The following ATRNL1 variants were observed in gnomAD, a reference collection of about 807,000 sequenced individuals.
The protein encoded by ATRNL1 is attractin like 1.
ATRNL1 carries 95 observed loss-of-function variants against 182.7 expected under a neutral mutation model. That is an observed-to-expected ratio of 0.52 (90% CI 0.44 to 0.62). The LOEUF is 0.62. ATRNL1 is among the 20% of genes least tolerant of loss of function. The probability of loss-of-function intolerance (pLI) is 0.00; values close to 1 mark genes in which losing one functional copy is unlikely to be tolerated. For synonymous variants in ATRNL1, 576 were observed against 568.3 expected, an observed-to-expected ratio of 1.01 and a Z score of -0.19; for missense variants, 1,471 against 1,679.5, an observed-to-expected ratio of 0.88 and a Z score of 2.17.
intron 28 of ATRNL1, among the ~76,000 whole-genome samples, chr10:115,874,528 A>G (rs1298511205): frequency 6.6e-6 from 1 of 152,258 alleles, no homozygotes; most frequent in East Asian, 1.9e-4. Context: ...CTGTAGGAAT[A>G]CAAAAGAACA....
intron 20 of ATRNL1, among the ~76,000 whole-genome samples, chr10:115,398,334 T>C (rs1213637919): frequency 1.3e-5 from 2 of 152,008 alleles, no homozygotes; most frequent in Non-Finnish European, 2.9e-5. Flanking sequence ...AAAACACAGC[T>C]GATCGTCAAA....
At chr10:115,143,024 G>A (rs1845814712) in intron 5 of ATRNL1, among the ~76,000 whole-genome samples, 1 of 152,156 alleles carries the variant, frequency 6.6e-6, no homozygotes, top group African/African-American at 2.4e-5. Flanking sequence ...GGATATATGG[G>A]TCTGGAAATT....
chr10:115,253,734 A>G (rs1850986759), intron 10 of ATRNL1, among the ~76,000 whole-genome samples: 1 of 151,930 alleles, frequency 6.6e-6, no homozygotes, highest in African/African-American at 2.4e-5. Context: ...TTCTCCTAAC[A>G]CCCATCAACT....
intron 5 of ATRNL1, among the ~76,000 whole-genome samples, chr10:115,150,456 C>T (rs992698863): frequency 1.9e-4 from 29 of 151,794 alleles, no homozygotes; most frequent in Admixed American, 5.9e-4. Context: ...GCTTTTTTGA[C>T]GTGGGTACTT....
At chr10:115,555,792 TTGAC>T (rs1227867934) in intron 26 of ATRNL1, among the ~76,000 whole-genome samples, 6 of 152,026 alleles carry the variant, frequency 3.9e-5, no homozygotes, top group Non-Finnish European at 7.4e-5. Context: ...ATAAAGAAGA[TTGAC>T]TGTGTTATTT....
At chr10:115,925,669 G>A (rs1555119921) in intron 28 of ATRNL1, among the ~76,000 whole-genome samples, 1 of 151,974 alleles carries the variant, frequency 6.6e-6, no homozygotes, top group Non-Finnish European at 1.5e-5. Flanking sequence ...AGACAAAGAA[G>A]GGCATTACAT....
At chr10:115,474,297 G>T (rs1343507887) in intron 24 of ATRNL1, among the ~76,000 whole-genome samples, 1 of 151,320 alleles carries the variant, frequency 6.6e-6, no homozygotes, top group Non-Finnish European at 1.5e-5. Context: ...TCACCTGTGA[G>T]GTTTCTGCTG....
intron 28 of ATRNL1, among the ~76,000 whole-genome samples, chr10:115,908,506 T>C (rs1952570092): frequency 6.6e-6 from 1 of 152,154 alleles, no homozygotes; most frequent in Non-Finnish European, 1.5e-5. Context: ...CTTTGAAGAA[T>C]GCTTATGATG....
chr10:115,753,681 G>A (rs1948510394), intron 27 of ATRNL1, among the ~76,000 whole-genome samples: 1 of 152,116 alleles, frequency 6.6e-6, no homozygotes, highest in Non-Finnish European at 1.5e-5. Context: ...AATCCTTTGG[G>A]TACATACCCA....
At chr10:115,657,452 A>G (rs969378845) in intron 26 of ATRNL1, among the ~76,000 whole-genome samples, 1 of 152,208 alleles carries the variant, frequency 6.6e-6, no homozygotes, top group Non-Finnish European at 1.5e-5. Context: ...TAAAATGCAC[A>G]TGGCATGGCA....
intron 28 of ATRNL1, among the ~76,000 whole-genome samples, chr10:115,922,067 C>A (rs1953082142): frequency 6.6e-6 from 1 of 152,154 alleles, no homozygotes. Flanking sequence ...GGCTGTAGGT[C>A]AAGGAGGTGC....
chr10:115,563,431 C>T (rs1853881206), intron 26 of ATRNL1, among the ~76,000 whole-genome samples: 1 of 152,162 alleles, frequency 6.6e-6, no homozygotes, highest in Non-Finnish European at 1.5e-5. Context: ...CCTACCACCA[C>T]CCACCTCCCC....
At chr10:115,188,416 G>A (rs916753795) in intron 8 of ATRNL1, among the ~76,000 whole-genome samples, 1 of 152,096 alleles carries the variant, frequency 6.6e-6, no homozygotes, top group Non-Finnish European at 1.5e-5. Flanking sequence ...GGGGAATTAT[G>A]TGGATGATTT....
chr10:115,521,725 G>T (rs1554985255), intron 25 of ATRNL1, among the ~76,000 whole-genome samples: 1 of 152,068 alleles, frequency 6.6e-6, no homozygotes, highest in Non-Finnish European at 1.5e-5. Flanking sequence ...TAATCTTTGG[G>T]TGTGATAAAA....
At chr10:115,526,831 G>A (rs1851241912) in intron 25 of ATRNL1, among the ~76,000 whole-genome samples, 1 of 152,128 alleles carries the variant, frequency 6.6e-6, no homozygotes, top group South Asian at 2.1e-4. Context: ...CCTTTGTGAG[G>A]GAGAGAAGCA....
chr10:115,133,845 G>C (rs1845379939), intron 5 of ATRNL1, among the ~76,000 whole-genome samples: 1 of 152,120 alleles, frequency 6.6e-6, no homozygotes, highest in African/African-American at 2.4e-5. Flanking sequence ...ATAACAAGCT[G>C]TCTCTCAGAC....
chr10:115,488,231 C>G (rs548046890), intron 24 of ATRNL1, among the ~76,000 whole-genome samples: 16 of 152,256 alleles, frequency 1.1e-4, no homozygotes, highest in African/African-American at 3.9e-4. Flanking sequence ...TGATGCTGGC[C>G]TCTTAAAATG....
chr10:115,185,444 T>C (rs186058746), intron 8 of ATRNL1, among the ~76,000 whole-genome samples: 2 of 152,124 alleles, frequency 1.3e-5, no homozygotes, highest in East Asian at 3.9e-4. Flanking sequence ...GGGGATCCCA[T>C]TGGTAAAACA....
intron 15 of ATRNL1, among the ~76,000 whole-genome samples, chr10:115,295,893 A>AC (rs1264085072): frequency 6.6e-6 from 1 of 152,030 alleles, no homozygotes; most frequent in African/African-American, 2.4e-5. Context: ...TACTGGAGAG[A>AC]TGCAGAGGCT....
Sources: gnomAD v4.1 joint callset for allele counts (sites outside exome capture counted in the v4.1 genomes callset) on GRCh38, gnomAD v4.1.1 for gene constraint, MANE v1.5 for transcripts, NCBI Gene and HGNC (gene_info 2026-07-23, HGNC 2026-07-21) for gene names.